DAPK1: variants seen among roughly 807,000 people sequenced by gnomAD.
The protein encoded by DAPK1 is death associated protein kinase 1, also known as death-associated protein kinase 1.
DAPK1 carries 56 observed loss-of-function variants against 144.9 expected under a neutral mutation model. The observed-to-expected ratio is 0.39, with a 90% confidence interval of 0.31 to 0.48. The LOEUF is 0.48. Among genes scored for constraint, DAPK1 ranks in the 20% least tolerant of loss-of-function variants. The pLI, the probability that DAPK1 is intolerant of heterozygous loss-of-function variation, is 0.95. For missense variants in DAPK1, 1,454 were observed against 1,875.4 expected, an observed-to-expected ratio of 0.78 and a Z score of 4.15; for synonymous variants, 690 against 749.0, an observed-to-expected ratio of 0.92 and a Z score of 1.29.
intron 2 of DAPK1, among the ~76,000 whole-genome samples, chr9:87,526,561 G>A (rs1298021802): frequency 6.6e-6 from 1 of 152,162 alleles, no homozygotes; most frequent in African/African-American, 2.4e-5. Context: ...ATGACATTTG[G>A]ATTTTTCCAA....
At chr9:87,685,900 C>T (rs1486203496) in intron 20 of DAPK1, among the ~76,000 whole-genome samples, 1 of 152,110 alleles carries the variant, frequency 6.6e-6, no homozygotes, top group East Asian at 1.9e-4. Context: ...ACGCCAATGC[C>T]CACACCCTCT....
chr9:87,666,911 TG>T (rs1831079781), intron 18 of DAPK1, among the ~76,000 whole-genome samples: 1 of 152,150 alleles, frequency 6.6e-6, no homozygotes, highest in Non-Finnish European at 1.5e-5. Context: ...TGTTCAGACG[TG>T]TCGGGGGCAG....
intron 21 of DAPK1, among the ~76,000 whole-genome samples, chr9:87,693,760 G>A (rs763420061): frequency 2.6e-5 from 4 of 152,176 alleles, no homozygotes; most frequent in Non-Finnish European, 5.9e-5. Flanking sequence ...TGTTGGTTGA[G>A]TAGGGCACTT....
intron 2 of DAPK1, among the ~76,000 whole-genome samples, chr9:87,585,994 A>G (rs1456441309): frequency 6.6e-6 from 1 of 152,198 alleles, no homozygotes; most frequent in Non-Finnish European, 1.5e-5. Context: ...CTGCTAGAGA[A>G]TTTCAAATTA....
chr9:87,581,955 G>A (rs1302425952), intron 2 of DAPK1, among the ~76,000 whole-genome samples: 1 of 152,118 alleles, frequency 6.6e-6, no homozygotes, highest in Non-Finnish European at 1.5e-5. Context: ...AATTTGAATA[G>A]GTCCTCACAT....
chr9:87,497,615 C>T (rs1291861237), upstream of DAPK1: 2 of 159,756 alleles, frequency 1.3e-5, no homozygotes, highest in Admixed American at 6.5e-5. Context: ...GCGTTCCGGG[C>T]GGACGCACTG....
At chr9:87,627,722 C>T (rs1829538683) in intron 3 of DAPK1, among the ~76,000 whole-genome samples, 1 of 152,160 alleles carries the variant, frequency 6.6e-6, no homozygotes, top group Non-Finnish European at 1.5e-5. Context: ...GGAGTGTGGG[C>T]CTTATTCTGT....
intron 18 of DAPK1, among the ~76,000 whole-genome samples, chr9:87,661,938 G>C (rs1161886193): frequency 6.6e-6 from 1 of 152,156 alleles, no homozygotes; most frequent in Non-Finnish European, 1.5e-5. Flanking sequence ...TTTTCCTTCA[G>C]TATTTTTATA....
At chr9:87,556,001 G>A (rs191153837) in intron 2 of DAPK1, among the ~76,000 whole-genome samples, 65 of 152,268 alleles carry the variant, frequency 4.3e-4, no homozygotes, top group Admixed American at 9.2e-4. Flanking sequence ...CTAAAAAGAC[G>A]AATGAGAAAA....
chr9:87,577,315 T>C lies in DAPK1; in HGVS notation c.63-27639T>C, dbSNP rs114775312. 4.8e-3 allele frequency among the ~76,000 whole-genome samples: 737 copies of C among 152,294 alleles called. 12 individuals carry two copies. The highest frequency in any genetic ancestry group is 0.017 in the African/African-American group (695 of 41,578). On this transcript the variant is annotated intron_variant, in intron 2 of 25. Coordinates refer to ENST00000408954, the MANE Select transcript of DAPK1 (RefSeq NM_004938.4). ...GGGGCCCAGCGGTCTGTGTTTTAAC[T>C]AGACTTCAGGTGATTTGAATGAGTG...
At chr9:87,695,061 C>T (rs1327218714) in intron 21 of DAPK1, among the ~76,000 whole-genome samples, 1 of 149,736 alleles carries the variant, frequency 6.7e-6, no homozygotes, top group Non-Finnish European at 1.5e-5. Flanking sequence ...CCTCTGAGCT[C>T]CCCAGAGCAG....
intron 16 of DAPK1, 43 bp downstream of exon 16, chr9:87,650,161 A>G: frequency 6.3e-7 from 1 of 1,596,252 alleles, no homozygotes; most frequent in Non-Finnish European, 8.6e-7. Context: ...GAAGTGATCT[A>G]GGGGTCTAGA....
intron 21 of DAPK1, 26 bp from the exon 22 acceptor site, chr9:87,696,981 T>C (rs777838679): frequency 3.3e-6 from 4 of 1,226,770 alleles, no homozygotes; most frequent in Middle Eastern, 3.7e-4. Flanking sequence ...TGTTTCACGA[T>C]TGTTATCATT....
intron 2 of DAPK1, among the ~76,000 whole-genome samples, chr9:87,598,426 C>T (rs1015699374): frequency 6.6e-6 from 1 of 151,986 alleles, no homozygotes; most frequent in Non-Finnish European, 1.5e-5. Context: ...CATATGTATT[C>T]GGTAGATGCA....
At chr9:87,510,155 C>A (rs1489850236) in intron 2 of DAPK1, among the ~76,000 whole-genome samples, 8 of 152,158 alleles carry the variant, frequency 5.3e-5, no homozygotes, top group Non-Finnish European at 1.2e-4. Flanking sequence ...CTGTGCGTTC[C>A]TCCCCACCCC....
chr9:87,698,763 G>T lies in DAPK1; in HGVS notation c.2719G>T (p.Asp907Tyr). Residue 907 changes from aspartate to tyrosine, a missense_variant, in exon 23 of 26, where the codon GAC (aspartate) becomes TAC (tyrosine). Physicochemically the swap from Asp to Tyr is radical, Grantham distance 160. Coordinates refer to ENST00000408954, the MANE Select transcript of DAPK1 (RefSeq NM_004938.4). ...TGGAGGCGAGTTTGGATATGACAAAGACACATCGTTGCTGAAAGAGATTAG... is the reference window on the plus strand; with the variant it reads ...TGGAGGCGAGTTTGGATATGACAAATACACATCGTTGCTGAAAGAGATTAG... ...PAGGEFGYDK[D>Y]TSLLKEIRNR... 1 of 1,608,246 alleles carries T rather than the reference G, an allele frequency of 6.2e-7. No homozygotes were observed. The highest frequency in any genetic ancestry group is 8.5e-7 in the Non-Finnish European group (1 of 1,174,616).
chr9:87,551,930 GGC>G (rs2118567301), intron 2 of DAPK1, among the ~76,000 whole-genome samples: 1 of 152,282 alleles, frequency 6.6e-6, no homozygotes, highest in East Asian at 1.9e-4. Context: ...TGCCTCCGTG[GGC>G]AGCCGGAATC....
chr9:87,566,486 A>C (rs1418233706), intron 2 of DAPK1, among the ~76,000 whole-genome samples: 6 of 152,192 alleles, frequency 3.9e-5, no homozygotes, highest in Non-Finnish European at 8.8e-5. Flanking sequence ...GGCTGTAAGC[A>C]ATGCCCCAAA....
At chr9:87,526,176 G>A (rs997701090) in intron 2 of DAPK1, among the ~76,000 whole-genome samples, 5 of 151,780 alleles carry the variant, frequency 3.3e-5, no homozygotes, top group Non-Finnish European at 7.4e-5. Context: ...AGGAAAAAAG[G>A]TATAGTTTGT....
Sources: gnomAD v4.1 joint callset for allele counts (sites outside exome capture counted in the v4.1 genomes callset) on GRCh38, gnomAD v4.1.1 for gene constraint, MANE v1.5 for transcripts, NCBI Gene and HGNC (gene_info 2026-07-23, HGNC 2026-07-21) for gene names.